ANKRD66: variants seen among roughly 807,000 people sequenced by gnomAD.
ANKRD66 encodes the protein ankyrin repeat domain 66.
Under a neutral mutation model 10.9 loss-of-function variants are expected in ANKRD66, and 10 were observed. The observed-to-expected ratio is 0.91, with a 90% CI of 0.56 to 1.55. ANKRD66 has a LOEUF of 1.55. Ranked by LOEUF, ANKRD66 falls within the 40% of genes most tolerant of loss-of-function variation. The probability of loss-of-function intolerance (pLI) is 0.00; values close to 1 mark genes in which losing one functional copy is unlikely to be tolerated. For missense variants in ANKRD66, 252 were observed against 242.9 expected (o/e 1.04, Z -0.25); for synonymous variants, 85 against 88.4 (o/e 0.96, Z 0.22).
intron 2 of ANKRD66, among the ~76,000 whole-genome samples, chr6:46,751,110 G>A (rs909258081): frequency 6.6e-6 from 1 of 152,126 alleles, no homozygotes; most frequent in Non-Finnish European, 1.5e-5. Flanking sequence ...CTATGTAACT[G>A]GCTTTTTAAA....
At chr6:46,752,250 T>C in intron 3 of ANKRD66, 139 bp downstream of exon 3, 1 of 1,069,100 alleles carries the variant, frequency 9.4e-7, no homozygotes, top group Non-Finnish European at 1.2e-6. Context: ...TTTTTCTTTT[T>C]TTGAGACAGA....
In ANKRD66 at chr6:46,753,818, C is replaced by T. The variant is rs1766317444; in HGVS notation, c.260C>T (p.Ala87Val). Residue 87 changes from alanine to valine, a missense_variant, in exon 4 of 5, where the codon GCA becomes GTA. Ala to Val is a moderately conservative substitution (Grantham distance 64). Transcript: ENST00000565422. The stretch of plus-strand genomic sequence containing the variant: ...ACCCCAGCTCATTTTGCAGCAGAAG[C>T]AGGCCATCTGAATATACTCAAAACT... ...GWTPAHFAAE[A>V]GHLNILKTLH... 7.1e-6 allele frequency: 11 copies of T among 1,551,574 alleles called. No individual in the cohort carries two copies. The highest frequency in any genetic ancestry group is 9.6e-6 in the Non-Finnish European group (11 of 1,147,004).
At chr6:46,757,599 A>G (rs1373137501) in intron 4 of ANKRD66, 1 of 152,222 alleles carries the variant, frequency 6.6e-6, no homozygotes, top group African/African-American at 2.4e-5. Context: ...TTATTGATTC[A>G]CATTTTGAGT....
intron 1 of ANKRD66, among the ~76,000 whole-genome samples, chr6:46,749,616 T>C (rs971439127): frequency 7.2e-6 from 1 of 138,278 alleles, no homozygotes; most frequent in Non-Finnish European, 1.5e-5. Flanking sequence ...TCTGGTTCTT[T>C]ACAGAAAAAG....
At chr6:46,752,330 G>A (rs908254650) in intron 3 of ANKRD66, among the ~76,000 whole-genome samples, 1 of 152,162 alleles carries the variant, frequency 6.6e-6, no homozygotes, top group African/African-American at 2.4e-5. Context: ...CACCTCCTGG[G>A]TTCAAGCGAT....
At chr6:46,756,448 G>T (rs1056305852) in intron 4 of ANKRD66, 1 of 160,358 alleles carries the variant, frequency 6.2e-6, no homozygotes, top group African/African-American at 2.4e-5. Flanking sequence ...TCTCAAAAAG[G>T]CAACGTTATT....
intron 3 of ANKRD66, among the ~76,000 whole-genome samples, chr6:46,752,853 A>G (rs566782685): frequency 1.3e-5 from 2 of 152,364 alleles, no homozygotes; most frequent in South Asian, 2.1e-4. Flanking sequence ...AGAGGAAGAT[A>G]GTGGCAAAAA....
chr6:46,749,950 G>C lies in ANKRD66; in HGVS notation c.-42G>C. On this transcript the variant is annotated 5_prime_UTR_variant, in exon 2 of 5. Coordinates refer to ENST00000565422, the MANE Select transcript of ANKRD66 (RefSeq NM_001162435.3). ...TGGAGGGCTTACCACAACAAAGATGGCCGGACCCCTGCCCAGAGTTTCAGA... is the reference window on the plus strand; with the variant it reads ...TGGAGGGCTTACCACAACAAAGATGCCCGGACCCCTGCCCAGAGTTTCAGA... 6.5e-7 allele frequency: 1 copy of C among 1,527,424 alleles called. No homozygotes were observed. The allele number at this position is 1,527,424 out of a possible 1,614,324, so 94.6% of individuals were successfully genotyped here. A position where few individuals can be genotyped will look rare whatever the true frequency, so the allele number is the denominator to read the frequency against.
chr6:46,751,168 G>T (rs933213237), intron 2 of ANKRD66, among the ~76,000 whole-genome samples: 2 of 152,118 alleles, frequency 1.3e-5, no homozygotes, highest in African/African-American at 4.8e-5. Flanking sequence ...GTCCAGTTTG[G>T]TGTCATTGCC....
chr6:46,756,182 T>C, intron 4 of ANKRD66: 2 of 367,288 alleles, frequency 5.4e-6, no homozygotes, highest in South Asian at 2.1e-5. Flanking sequence ...TCCTAAAATC[T>C]TGGGGAAGGA....
rs530081285 is a variant in ANKRD66 at position 46,753,782 on chromosome 6, G to A, written c.224G>A (p.Ser75Asn). The A allele has an allele frequency of 2.3e-5, 36 of 1,551,674 alleles. No homozygotes were observed. In the East Asian group the frequency reaches 5.6e-4, roughly 24 times the overall value. Reference protein sequence around the residue: ...EYGARPCLVTSVGWTPAHFAA... With the variant: ...EYGARPCLVTNVGWTPAHFAA... ...GGAGCCAGGCCCTGCCTGGTTACTA[G>A]TGTGGGCTGGACCCCAGCTCATTTT... The change falls in exon 4 of 5, where the codon AGT (serine) becomes AAT (asparagine). Residue 75 changes from serine to asparagine, a missense_variant. Transcript: ENST00000565422.
intron 4 of ANKRD66, among the ~76,000 whole-genome samples, chr6:46,754,417 TA>T (rs1472512107): frequency 6.6e-6 from 1 of 152,190 alleles, no homozygotes; most frequent in Admixed American, 6.5e-5. Context: ...ATGCCCTATT[TA>T]CACACACCAA....
intron 1 of ANKRD66, 82 bp from the exon 2 acceptor site, chr6:46,749,814 G>T (rs999010715): frequency 6.9e-7 from 1 of 1,456,502 alleles, no homozygotes; most frequent in East Asian, 2.7e-5. Flanking sequence ...TCCGGTCTTT[G>T]TGAATGGTTC....
chr6:46,750,767 G>C (rs926855894), intron 2 of ANKRD66, among the ~76,000 whole-genome samples: 4 of 150,676 alleles, frequency 2.7e-5, no homozygotes, highest in African/African-American at 9.7e-5. Context: ...AATATTTTCA[G>C]ATAATTGTGG....
rs141486382 is a variant in ANKRD66, at chr6:46,753,635, A to G, written c.164-87A>G. 10 of 1,294,430 alleles carry G rather than the reference A, an allele frequency of 7.7e-6. No individual in the cohort carries two copies. In the African/African-American group the frequency reaches 1.2e-4, roughly 16 times the overall value. The allele number at this position is 1,294,430 out of a possible 1,614,324, so 80.2% of individuals were successfully genotyped here. On this transcript the variant is annotated intron_variant, in intron 3 of 4. Transcript: ENST00000565422. ...CCTCAAAGGCAAAGTTTCCCCTTCT[A>G]TTGTGTTACCTAGACTGGCCCTGGC...
rs964087610 is a variant in ANKRD66, at chr6:46,757,969, C to A, written c.393-754C>A. The A allele has an allele frequency of 3.3e-5, 5 of 152,364 alleles. No individual in the cohort carries two copies. In the East Asian group the frequency reaches 9.6e-4, roughly 29 times the overall value. 9.4% of individuals were successfully genotyped at this position (152,364 alleles called of 1,614,324 possible). A position where few individuals can be genotyped will look rare whatever the true frequency, so the allele number is the denominator to read the frequency against. ...GTGTGGTCTGAAGATTGAAAGGTCA[C>A]TTCCAGCTTAGGGTGAGGGACTAGT... On this transcript the variant is annotated intron_variant, in intron 4 of 4. Transcript: ENST00000565422.
intron 4 of ANKRD66, chr6:46,757,680 G>A (rs186478658): frequency 6.6e-6 from 1 of 152,266 alleles, no homozygotes; most frequent in East Asian, 1.9e-4. Flanking sequence ...TAGACCATAT[G>A]TGATCATTTT....
chr6:46,750,165 C>T (rs1217302398), intron 2 of ANKRD66, among the ~76,000 whole-genome samples, 186 bp downstream of exon 2: 1 of 152,188 alleles, frequency 6.6e-6, no homozygotes, highest in East Asian at 1.9e-4. Context: ...TGTTTTCTAG[C>T]TCAGCTCCTT....
At chr6:46,752,458 C>T (rs1367369498) in intron 3 of ANKRD66, among the ~76,000 whole-genome samples, 1 of 152,210 alleles carries the variant, frequency 6.6e-6, no homozygotes, top group Non-Finnish European at 1.5e-5. Context: ...TGCTCTCAAA[C>T]TCCTGACCTC....
Sources: gnomAD v4.1 joint callset for allele counts (sites outside exome capture counted in the v4.1 genomes callset) on GRCh38, gnomAD v4.1.1 for gene constraint, MANE v1.5 for transcripts, NCBI Gene and HGNC (gene_info 2026-07-23, HGNC 2026-07-21) for gene names.